PHF8: variants seen among roughly 807,000 people sequenced by gnomAD.
The protein encoded by PHF8 is PHD finger protein 8.
PHF8 carries 9 observed loss-of-function variants against 74.4 expected under a neutral mutation model. That is an observed-to-expected ratio of 0.12 (90% CI 0.07 to 0.21). PHF8 has a LOEUF of 0.21. Among genes scored for constraint, PHF8 ranks in the 10% least tolerant of loss-of-function variants. The pLI is 1.00. For missense variants in PHF8, 478 were observed against 816.6 expected (o/e 0.59, Z 5.05); for synonymous variants, 311 against 316.6 (o/e 0.98, Z 0.19).
At chrX:53,942,556 C>G (rs1329864268) in intron 20 of PHF8, 1 of 288,545 alleles carries the variant, frequency 3.5e-6, no homozygotes, top group Non-Finnish European at 4.6e-6. Context: ...CCAATACTGA[C>G]TAAACACATT....
chrX:54,029,018 T>C (rs781875402), intron 2 of PHF8, among the ~76,000 whole-genome samples: 2 of 112,248 alleles, frequency 1.8e-5, no homozygotes, highest in African/African-American at 3.2e-5. Flanking sequence ...ACTAAATATA[T>C]AGAAAGTGTT....
chrX:54,022,193 G>A, intron 4 of PHF8, 66 bp downstream of exon 4: 1 of 638,573 alleles, frequency 1.6e-6, no homozygotes, highest in South Asian at 2.2e-5. Context: ...GGAAAGCTGG[G>A]AAGAGGTGAG....
chrX:54,038,819 G>A (rs1333542849), intron 2 of PHF8, among the ~76,000 whole-genome samples: 3 of 111,205 alleles, frequency 2.7e-5, no homozygotes, highest in Admixed American at 9.6e-5. Flanking sequence ...ATCCCTAGCT[G>A]GACTTCAAGA....
chrX:54,008,209 A>T (rs900706016), intron 8 of PHF8, among the ~76,000 whole-genome samples: 1 of 110,056 alleles, frequency 9.1e-6, no homozygotes, highest in South Asian at 3.9e-4. Flanking sequence ...TCTACTAAAA[A>T]CACAAAAATT....
chrX:54,037,186 T>C lies in PHF8; in HGVS notation c.98+5445A>G, dbSNP rs7891223. ...ACAAAAAGCTTGTTCTTTGAAAAGA[T>C]CCATAAAACTGACAAACCTCTAGCA... On this transcript the variant is annotated intron_variant, in intron 2 of 21. Coordinates refer to ENST00000338154, the MANE Select transcript of PHF8 (RefSeq NM_015107.3). 6.6e-3 allele frequency among the ~76,000 whole-genome samples: 729 copies of C among 111,245 alleles called. 6 individuals are homozygous for C. The highest frequency in any genetic ancestry group is 0.022 in the African/African-American group (674 of 30,614).
At chrX:53,973,118 C>A (rs1468287896) in intron 18 of PHF8, among the ~76,000 whole-genome samples, 1 of 111,761 alleles carries the variant, frequency 8.9e-6, no homozygotes, top group African/African-American at 3.3e-5. Context: ...TCGAGGAGAA[C>A]TACAAACCAC....
At chrX:54,019,063 C>A (rs1403704430) in intron 4 of PHF8, among the ~76,000 whole-genome samples, 6 of 112,186 alleles carry the variant, frequency 5.3e-5, no homozygotes, top group Non-Finnish European at 9.4e-5. Context: ...TTAAAATTTT[C>A]TCCAAGAAAG....
chrX:54,022,910 G>T, intron 2 of PHF8, 67 bp from the exon 3 acceptor site: 2 of 622,778 alleles, frequency 3.2e-6, no homozygotes, highest in South Asian at 4.7e-5. Flanking sequence ...GAACAGTGCT[G>T]TCCAGTAGAA....
At chrX:53,978,990 G>A (rs781911946) in intron 18 of PHF8, among the ~76,000 whole-genome samples, 2 of 111,032 alleles carry the variant, frequency 1.8e-5, no homozygotes, top group South Asian at 7.6e-4. Context: ...GGAGGTTAGG[G>A]AGTGATCAAA....
intron 19 of PHF8, among the ~76,000 whole-genome samples, chrX:53,948,214 A>T (rs1557085749): frequency 8.9e-6 from 1 of 112,112 alleles, no homozygotes; most frequent in South Asian, 3.7e-4. Flanking sequence ...GTATCTGAAG[A>T]TCTTAGGGAA....
chrX:53,983,854 C>G (rs1188021198), intron 18 of PHF8, among the ~76,000 whole-genome samples: 1 of 112,052 alleles, frequency 8.9e-6, no homozygotes, highest in Admixed American at 9.5e-5. Context: ...TGAAAGAAAA[C>G]TAAGCAAGTT....
At chrX:54,024,671 A>G (rs1486413989) in intron 2 of PHF8, among the ~76,000 whole-genome samples, 1 of 111,629 alleles carries the variant, frequency 9.0e-6, no homozygotes, top group Non-Finnish European at 1.9e-5. Context: ...GTGCCACTCA[A>G]AGTGTGGTCC....
chrX:53,967,001 G>A (rs782314334), intron 18 of PHF8, among the ~76,000 whole-genome samples: 144 of 105,803 alleles, frequency 1.4e-3, no homozygotes, highest in African/African-American at 4.7e-3. Context: ...CCTGGCAACC[G>A]CCCCATCTGA....
Position 53,993,805 on chromosome X carries a change from G to A in PHF8, c.1422C>T (p.Ser474=), listed in dbSNP as rs1569527485. ...GSIPLTRPAH[S]TSVSMSRLSL... ...ACAGCCTGGACATGGACACTGAAGT[G>A]GAATGGGCTGGCCTGGTTAGGGGAA... The change falls in exon 13 of 22, where the codon TCC becomes TCT. Residue 474 remains serine, a synonymous_variant. Transcript: ENST00000338154. 1 of 1,207,597 alleles carries A rather than the reference G, an allele frequency of 8.3e-7. No homozygotes were observed. The highest frequency in any genetic ancestry group is 3.0e-5 in the East Asian group (1 of 33,841).
Position 53,938,037 on chromosome X carries a change from C to G in PHF8, c.*1121G>C, listed in dbSNP as rs2064692956. On this transcript the variant is annotated 3_prime_UTR_variant, in exon 22 of 22. Coordinates refer to ENST00000338154, the MANE Select transcript of PHF8 (RefSeq NM_015107.3). ...GGCTCGTGAATGGCCTGTCTGCATTCTGCTTGAACGATGACCTGTCGTCTG... is the reference window on the plus strand; with the variant it reads ...GGCTCGTGAATGGCCTGTCTGCATTGTGCTTGAACGATGACCTGTCGTCTG... 8.6e-7 allele frequency: 1 copy of G among 1,162,484 alleles called. No homozygotes were observed. Among genetic ancestry groups the G allele is most frequent in the African/African-American group, 1.8e-5 (1 of 54,938 alleles).
At chrX:53,998,750 A>AT (rs782525369) in intron 11 of PHF8, among the ~76,000 whole-genome samples, 21 of 110,276 alleles carry the variant, frequency 1.9e-4, no homozygotes, top group Admixed American at 4.8e-4. Flanking sequence ...GAGCTTTCTT[A>AT]TTTTTTTTTA....
At position 54,042,368 on chromosome X, in the gene PHF8, GA is replaced by G. The variant is rs782217737; in HGVS notation, c.98+262del. On this transcript the variant is annotated intron_variant, in intron 2 of 21. Transcript: ENST00000338154. ...AAAAATGATTCTTTGTAACAGGAAA[GA>G]AAAGGGGGGGGGGGTCTTATAAATC... 2.0e-3 allele frequency among the ~76,000 whole-genome samples: 136 copies of G among 67,028 alleles called. 2 individuals carry two copies. The South Asian group carries it at 0.1, about 51-fold the overall frequency. The allele number at this position is 67,028 out of a possible 115,157, so 58.2% of individuals were successfully genotyped here.
intron 18 of PHF8, among the ~76,000 whole-genome samples, chrX:53,969,136 G>A (rs1557093895): frequency 9.1e-6 from 1 of 110,410 alleles, no homozygotes; most frequent in East Asian, 2.8e-4. Flanking sequence ...TTGGGTGGCT[G>A]AGGTGAAAGG....
At chrX:54,044,947 C>A, upstream of PHF8, 2 of 1,042,662 alleles carry the variant, frequency 1.9e-6, no homozygotes, top group Non-Finnish European at 2.6e-6. Flanking sequence ...TTGGTTCTTC[C>A]CCCTGTGAAG....
Sources: gnomAD v4.1 joint callset for allele counts (sites outside exome capture counted in the v4.1 genomes callset) on GRCh38, gnomAD v4.1.1 for gene constraint, MANE v1.5 for transcripts, NCBI Gene and HGNC (gene_info 2026-07-23, HGNC 2026-07-21) for gene names.